Variants in COPB1 observed in about 807,000 individuals in gnomAD.
COPB1 encodes the protein coatomer subunit beta.
Under a neutral mutation model 108.7 loss-of-function variants are expected in COPB1, and 21 were observed. The observed-to-expected ratio is 0.19, with a 90% CI of 0.14 to 0.28. The LOEUF (loss-of-function observed/expected upper bound fraction) is 0.28. COPB1 is among the 10% of genes least tolerant of loss of function. The pLI, the probability that COPB1 is intolerant of heterozygous loss-of-function variation, is 1.00. For synonymous variants in COPB1, 378 were observed against 386.8 expected, an observed-to-expected ratio of 0.98 and a Z score of 0.27; for missense variants, 919 against 1,141.3, an observed-to-expected ratio of 0.81 and a Z score of 2.81.
rs1192109468 is a variant in COPB1, at chr11:14,476,936, G to A, written c.1438C>T (p.Arg480Cys). Residue 480 changes from arginine to cysteine, a missense_variant, in exon 12 of 22, where the codon CGC becomes TGC. Transcript: ENST00000439561. ...AAACATACCTCTCCAAGGGACCTGC[G>A]GATCTCAGTCATCACACTCTGAATG... ...EDIQSVMTEI[R>C]RSLGEIPIVE... 1.1e-5 allele frequency: 18 copies of A among 1,607,162 alleles called. No homozygotes were observed. Among genetic ancestry groups the A allele is most frequent in the Admixed American group, 8.3e-5 (5 of 59,966 alleles).
chr11:14,483,270 CCAAAAT>C, intron 7 of COPB1, 119 bp from the exon 8 acceptor site: 5 of 538,722 alleles, frequency 9.3e-6, no homozygotes, highest in Non-Finnish European at 1.2e-5. Flanking sequence ...TCCCATGAAG[CCAAAAT>C]ACACTCATTA....
chr11:14,477,300 C>T (rs372368070), intron 11 of COPB1, among the ~76,000 whole-genome samples: 1 of 145,390 alleles, frequency 6.9e-6, no homozygotes, highest in Non-Finnish European at 1.5e-5. Flanking sequence ...AGGAGAATGG[C>T]GGGAACCCAT....
chr11:14,463,442 C>T (rs1184441842), intron 18 of COPB1, among the ~76,000 whole-genome samples: 2 of 152,166 alleles, frequency 1.3e-5, no homozygotes, highest in Non-Finnish European at 1.5e-5. Flanking sequence ...CTCAGCCTCC[C>T]GAGTTAGCTG....
chr11:14,479,553 T>G lies in COPB1; in HGVS notation c.1358+16A>C, dbSNP rs779409475. On this transcript the variant is annotated intron_variant, in intron 11 of 21. Transcript: ENST00000439561. ...ATGCTTACTTGACCTTACATTTAAA[T>G]GTATTTTAAACCTACTTGACAGATT... 1 of 1,585,202 alleles carries G rather than the reference T, an allele frequency of 6.3e-7. No individual in the cohort carries two copies. Among genetic ancestry groups the G allele is most frequent in the African/African-American group, 1.4e-5 (1 of 73,392 alleles).
chr11:14,468,613 T>A (rs373254527), intron 16 of COPB1, 68 bp downstream of exon 16: 1 of 1,415,468 alleles, frequency 7.1e-7, no homozygotes, highest in East Asian at 2.3e-5. Context: ...CTTTTAAAAA[T>A]AGCAGCACTA....
chr11:14,483,145 C>A lies in COPB1; in HGVS notation c.844G>T (p.Ala282Ser), dbSNP rs745568654. ...ATAATTAAATCAATGTAACACTGAGCAGCAGCCTATATAAAAAAAGAAATA... is the reference window on the plus strand; with the variant it reads ...ATAATTAAATCAATGTAACACTGAGAAGCAGCCTATATAAAAAAAGAAATA... ...SSAPTAIKAA[A>S]QCYIDLIIKE... The change falls in exon 8 of 22, where the codon GCT becomes TCT. Residue 282 changes from alanine to serine, a missense_variant. By Grantham distance (99) the Ala-to-Ser change is moderately conservative. Around this residue, in one of 5 missense-constraint regions of COPB1, gnomAD observed 705 missense variants for 817.8 expected, o/e 0.86. Transcript: ENST00000439561. The A allele has an allele frequency of 6.5e-7, 1 of 1,542,164 alleles. No individual in the cohort carries two copies. Among genetic ancestry groups the A allele is most frequent in the South Asian group, 1.2e-5 (1 of 84,356 alleles).
chr11:14,480,795 G>A lies in COPB1; in HGVS notation c.1176C>T (p.Val392=). The A allele has an allele frequency of 1.2e-6, 2 of 1,613,942 alleles. No individual in the cohort carries two copies. The highest frequency in any genetic ancestry group is 1.7e-6 in the Non-Finnish European group (2 of 1,179,940). Residue 392 remains valine, a synonymous_variant, in exon 10 of 22, where the codon GTC becomes GTT. Transcript: ENST00000439561. ...CATTTGCAGCCATATCTGGAAATCG[G>A]ACAGAACAGGAATGCAATGTTCGCA... ...LLVRTLHSCS[V]RFPDMAANVI...
intron 15 of COPB1, 137 bp downstream of exon 15, chr11:14,469,199 G>A: frequency 1.4e-6 from 1 of 723,438 alleles, no homozygotes; most frequent in East Asian, 2.5e-5. Flanking sequence ...GGCTTGCTAT[G>A]TAGCCCACAC....
chr11:14,481,195 T>C, intron 8 of COPB1, 98 bp from the exon 9 acceptor site: 2 of 844,242 alleles, frequency 2.4e-6, no homozygotes, highest in Non-Finnish European at 3.7e-6. Flanking sequence ...ATCATCACTT[T>C]AATTCTTTAA....
intron 16 of COPB1, among the ~76,000 whole-genome samples, chr11:14,467,902 G>T (rs550525715): frequency 1.3e-5 from 2 of 152,124 alleles, no homozygotes; most frequent in Non-Finnish European, 2.9e-5. Context: ...GGGGAAGTAG[G>T]AATGACGAGT....
At position 14,479,790 on chromosome 11, in the gene COPB1, T is replaced by G. The variant is rs1850621553; in HGVS notation, c.1213-76A>C. On this transcript the variant is annotated intron_variant, in intron 10 of 21. Transcript: ENST00000439561. ...AAATTATCTAGGACAAGAAATAAAT[T>G]AAAAGAATGTAATTCTTTTTTTGTT... The G allele has an allele frequency of 6.7e-6, 9 of 1,337,256 alleles. No individual in the cohort carries two copies. In the East Asian group the frequency reaches 1.8e-4, roughly 26 times the overall value. 82.8% of individuals were successfully genotyped at this position (1,337,256 alleles called of 1,614,324 possible).
chr11:14,492,364 A>G (rs11823825), intron 4 of COPB1, among the ~76,000 whole-genome samples: 2,653 of 151,858 alleles, frequency 0.017, 76 homozygotes, highest in African/African-American at 0.061. Context: ...ATTTTTTGAG[A>G]TGGAGTTTTG....
rs140301395 is a variant in COPB1, at chr11:14,479,360, C to T, written c.1358+209G>A. Among the ~76,000 whole-genome samples, 11 of 152,230 alleles carry T rather than the reference C, an allele frequency of 7.2e-5. No individual in the cohort carries two copies. The East Asian group carries it at 2.1e-3, about 29-fold the overall frequency. ...GTTTTAGAGAAAATCAGAATAGAGA[C>T]CCTGAGCTAAATCACTCCTAAAAAA... On this transcript the variant is annotated intron_variant, in intron 11 of 21. Transcript: ENST00000439561.
chr11:14,465,807 A>T (rs1055174602), intron 17 of COPB1, among the ~76,000 whole-genome samples: 5 of 151,894 alleles, frequency 3.3e-5, no homozygotes, highest in Non-Finnish European at 7.4e-5. Flanking sequence ...CAACTTCAAA[A>T]CCAGATGTGG....
chr11:14,479,857 A>G, intron 10 of COPB1, 143 bp from the exon 11 acceptor site: 1 of 796,098 alleles, frequency 1.3e-6, no homozygotes, highest in South Asian at 2.0e-5. Context: ...AGGCTAGAGA[A>G]TAGTGGCACA....
At chr11:14,468,060 T>C (rs967746455) in intron 16 of COPB1, among the ~76,000 whole-genome samples, 14 of 152,090 alleles carry the variant, frequency 9.2e-5, no homozygotes, top group Non-Finnish European at 1.9e-4. Flanking sequence ...TAACTATAAT[T>C]CAAAAAAACT....
rs1190520495 is a variant in COPB1 at position 14,466,419 on chromosome 11, T to G, written c.2153A>C (p.Gln718Pro). 30 of 1,610,454 alleles carry G rather than the reference T, an allele frequency of 1.9e-5. No homozygotes were observed. Among genetic ancestry groups the G allele is most frequent in the Non-Finnish European group, 2.5e-5 (29 of 1,178,774 alleles). ...TACAGGATCTGAGAAACCTGTCAAT[T>G]GGGTGACCTGTCAAAACAAAAACAA... ...PLASKLNKVT[Q>P]LTGFSDPVYA... Residue 718 changes from glutamine to proline, a missense_variant, in exon 17 of 22, where the codon CAA (glutamine) becomes CCA (proline). Physicochemically the swap from Gln to Pro is moderately conservative, Grantham distance 76 (BLOSUM62 -1). Transcript: ENST00000439561.
intron 21 of COPB1, 120 bp from the exon 22 acceptor site, chr11:14,458,003 C>A (rs1219607377): frequency 8.3e-6 from 4 of 481,086 alleles, no homozygotes; most frequent in African/African-American, 2.1e-5. Context: ...AAATCAAGGA[C>A]ATACCAAACA....
intron 15 of COPB1, among the ~76,000 whole-genome samples, chr11:14,469,108 C>A (rs1252480931): frequency 1.3e-5 from 2 of 152,154 alleles, no homozygotes; most frequent in African/African-American, 4.8e-5. Flanking sequence ...GATCCTTCAT[C>A]CTCAGCCTTC....
Sources: gnomAD v4.1 joint callset for allele counts (sites outside exome capture counted in the v4.1 genomes callset) on GRCh38, gnomAD v4.1.1 for gene constraint, gnomAD v4.1.1 regional missense constraint, MANE v1.5 for transcripts, NCBI Gene and HGNC (gene_info 2026-07-23, HGNC 2026-07-21) for gene names.